Variants in NTAN1 observed in about 807,000 individuals in gnomAD.
The protein encoded by NTAN1 is N-terminal asparagine amidase.
Under a neutral mutation model 41.9 loss-of-function variants are expected in NTAN1, and 32 were observed. That is an observed-to-expected ratio of 0.76 (90% CI 0.58 to 1.03). NTAN1 has a LOEUF of 1.03. Among genes scored for constraint, NTAN1 ranks in the 50% least tolerant of loss-of-function variants. The pLI is 0.00. For missense variants in NTAN1, 377 were observed against 377.5 expected, an observed-to-expected ratio of 1.00 and a Z score of 0.01; for synonymous variants, 140 against 139.5, an observed-to-expected ratio of 1.00 and a Z score of -0.03.
intron 1 of NTAN1, among the ~76,000 whole-genome samples, chr16:15,049,099 C>T: frequency 7.4e-6 from 1 of 135,522 alleles, no homozygotes. Flanking sequence ...TCCCTATGCT[C>T]CCCAGGCTGG....
chr16:15,053,911 C>CA (rs1362378789), intron 1 of NTAN1, among the ~76,000 whole-genome samples: 2 of 152,018 alleles, frequency 1.3e-5, no homozygotes, highest in Non-Finnish European at 2.9e-5. Context: ...AACTAAGTCT[C>CA]AAAAAAACCA....
At chr16:15,041,902 G>A (rs564043091) in intron 5 of NTAN1, among the ~76,000 whole-genome samples, 53 of 152,216 alleles carry the variant, frequency 3.5e-4, no homozygotes, top group African/African-American at 5.8e-4. Context: ...CCTCAGGCCC[G>A]AAGGAGCCTG....
chr16:15,046,433 G>A (rs544998986), intron 4 of NTAN1, among the ~76,000 whole-genome samples: 118 of 152,206 alleles, frequency 7.8e-4, no homozygotes, highest in Admixed American at 6.6e-3. Flanking sequence ...CTGTGTCGTC[G>A]GCCTCCACCT....
chr16:15,044,367 G>C lies in NTAN1; in HGVS notation c.400C>G (p.Gln134Glu). Residue 134 changes from glutamine to glutamate, a missense_variant, in exon 5 of 10, where the codon CAG becomes GAG. Coordinates refer to ENST00000287706, the MANE Select transcript of NTAN1 (RefSeq NM_173474.4). ...TGATGAGTGAGTTTTTGTGACAACT[G>C]CCTGTCGTCACTGAAGCCTCCAACA... Reference protein sequence around the residue: ...HLVGGFSDDRQLSQKLTHQLL... With the variant: ...HLVGGFSDDRELSQKLTHQLL... 6.2e-7 allele frequency: 1 copy of C among 1,613,246 alleles called. No individual in the cohort carries two copies. The highest frequency in any genetic ancestry group is 8.5e-7 in the Non-Finnish European group (1 of 1,179,266).
intron 1 of NTAN1, among the ~76,000 whole-genome samples, chr16:15,054,467 C>T (rs1484093392): frequency 6.6e-6 from 1 of 152,188 alleles, no homozygotes; most frequent in Non-Finnish European, 1.5e-5. Context: ...ATTCTTCAGG[C>T]GGCTGAAATT....
At chr16:15,051,393 C>T (rs1351330144) in intron 1 of NTAN1, among the ~76,000 whole-genome samples, 1 of 152,248 alleles carries the variant, frequency 6.6e-6, no homozygotes, top group African/African-American at 2.4e-5. Flanking sequence ...CTTACTGTCT[C>T]CCAGGCTGGA....
At chr16:15,051,148 G>A (rs754843980) in intron 1 of NTAN1, among the ~76,000 whole-genome samples, 7 of 152,194 alleles carry the variant, frequency 4.6e-5, no homozygotes, top group Admixed American at 1.3e-4. Context: ...AAGGGAGGGC[G>A]CAAAGGCGAA....
chr16:15,044,407 C>G lies in NTAN1; in HGVS notation c.360G>C (p.Arg120Ser), dbSNP rs2043958370. 3.1e-6 allele frequency: 5 copies of G among 1,611,532 alleles called. No individual in the cohort carries two copies. The highest frequency in any genetic ancestry group is 4.2e-6 in the Non-Finnish European group (5 of 1,177,668). ...AGCCTCCAACAAGGTGTACTTCCAGCCTGGCAAAGAGATGAGACGGGTCAG... is the reference window on the plus strand; with the variant it reads ...AGCCTCCAACAAGGTGTACTTCCAGGCTGGCAAAGAGATGAGACGGGTCAG... ...KSFSDHAQCG[R>S]LEVHLVGGFS... Residue 120 changes from arginine (R) to serine (S), a missense_variant and splice_region_variant, in exon 5 of 10, where the codon AGG becomes AGC. Arg to Ser is a moderately radical substitution (Grantham distance 110). Transcript: ENST00000287706.
rs567861491 is a variant in NTAN1 at position 15,040,314 on chromosome 16, C to T, written c.542-248G>A. The T allele has an allele frequency of 8.4e-5, 34 of 402,616 alleles. No individual in the cohort carries two copies. The Admixed American group carries it at 1.1e-3, about 12-fold the overall frequency. 24.9% of individuals were successfully genotyped at this position (402,616 alleles called of 1,614,324 possible). The stretch of plus-strand genomic sequence containing the variant: ...GTTCTAAACCAAGAGCTGCTTTCCA[C>T]ATGGGAGGCAGCCATTCCTTCAGTC... On this transcript the variant is annotated intron_variant, in intron 7 of 9. Coordinates refer to ENST00000287706, the MANE Select transcript of NTAN1 (RefSeq NM_173474.4).
chr16:15,038,168 C>G lies in NTAN1; in HGVS notation c.796G>C (p.Glu266Gln), dbSNP rs372707322. The G allele has an allele frequency of 3.5e-5, 57 of 1,613,448 alleles. No individual in the cohort carries two copies. Among genetic ancestry groups the G allele is most frequent in the Non-Finnish European group, 4.7e-5 (56 of 1,179,736 alleles). ...SPLAEPPHFV[E>Q]HIRSTLMFLK... ...AACATCAAGGTAGATCTAATATGTT[C>G]AACAAAGTGGGGTGGCTCAGCCAGA... The change falls in exon 10 of 10, where the codon GAA becomes CAA. Residue 266 changes from glutamate (E) to glutamine (Q), a missense_variant. Physicochemically the swap from Glu to Gln is conservative, Grantham distance 29. Coordinates refer to ENST00000287706, the MANE Select transcript of NTAN1 (RefSeq NM_173474.4).
At chr16:15,048,910 C>T (rs532184277) in intron 1 of NTAN1, among the ~76,000 whole-genome samples, 121 of 147,462 alleles carry the variant, frequency 8.2e-4, no homozygotes, top group Non-Finnish European at 1.4e-3. Context: ...AGGCACACAC[C>T]ACCACACCTG....
At chr16:15,047,743 G>T in intron 3 of NTAN1, 112 bp downstream of exon 3, 2 of 1,014,012 alleles carry the variant, frequency 2.0e-6, no homozygotes, top group Non-Finnish European at 3.1e-6. Flanking sequence ...CAGAAAAAAG[G>T]TAAGCGGAGT....
intron 9 of NTAN1, 64 bp from the exon 10 acceptor site, chr16:15,038,274 T>C: frequency 1.7e-6 from 2 of 1,147,818 alleles, no homozygotes; most frequent in Non-Finnish European, 2.5e-6. Context: ...GTGATAAAGA[T>C]GTCAAAGTAT....
In NTAN1 at chr16:15,041,778, G is replaced by A. The variant is rs1165421864; in HGVS notation, c.434-102C>T. The A allele has an allele frequency of 5.9e-6, 5 of 841,804 alleles. No individual in the cohort carries two copies. In the Admixed American group the frequency reaches 8.7e-5, roughly 15 times the overall value. 52.1% of individuals were successfully genotyped at this position (841,804 alleles called of 1,614,324 possible). A position where few individuals can be genotyped will look rare whatever the true frequency, so the allele number is the denominator to read the frequency against. On this transcript the variant is annotated intron_variant, in intron 5 of 9. Transcript: ENST00000287706. ...ACAGGGAGGGACGGCAGCCAACTGA[G>A]TGTGCTCCGCCCTACAGCCCGCGCC...
At chr16:15,041,501 C>A in intron 6 of NTAN1, 122 bp downstream of exon 6, 1 of 778,570 alleles carries the variant, frequency 1.3e-6, no homozygotes, top group Non-Finnish European at 2.4e-6. Flanking sequence ...CAGGAAGAGC[C>A]GGAACAGATG....
intron 1 of NTAN1, among the ~76,000 whole-genome samples, chr16:15,054,380 G>C (rs893332774): frequency 2.6e-5 from 4 of 152,174 alleles, no homozygotes; most frequent in African/African-American, 9.7e-5. Context: ...CCACACTTAA[G>C]TGTGCAGCCC....
At chr16:15,055,820 AG>A (rs1274266565) in intron 1 of NTAN1, 70 bp downstream of exon 1, 2 of 818,364 alleles carry the variant, frequency 2.4e-6, no homozygotes, top group Middle Eastern at 2.9e-4. Flanking sequence ...GTGTCGCGTG[AG>A]GGGGGCGCTA....
chr16:15,055,983 C>CCGCCCA lies in NTAN1; in HGVS notation c.-18_-13dup. On this transcript the variant is annotated 5_prime_UTR_variant, in exon 1 of 10. Transcript: ENST00000287706. ...ACGAGCAGCGGCATCGCGGAGGCGG[C>CCGCCCA]CGCCCAGGCAGGCCCAGGGAGGCGG... 30 of 1,214,846 alleles carry CCGCCCA rather than the reference C, an allele frequency of 2.5e-5. No individual in the cohort carries two copies. The highest frequency in any genetic ancestry group is 3.1e-5 in the Non-Finnish European group (30 of 976,312). The allele number at this position is 1,214,846 out of a possible 1,614,324, so 75.3% of individuals were successfully genotyped here.
At chr16:15,048,130 A>C in intron 1 of NTAN1, 31 bp from the exon 2 acceptor site, 1 of 1,450,836 alleles carries the variant, frequency 6.9e-7, no homozygotes, top group Non-Finnish European at 9.6e-7. Flanking sequence ...TAAAATAGTG[A>C]TGTAAATTAG....
Sources: gnomAD v4.1 joint callset for allele counts (sites outside exome capture counted in the v4.1 genomes callset) on GRCh38, gnomAD v4.1.1 for gene constraint, MANE v1.5 for transcripts, NCBI Gene and HGNC (gene_info 2026-07-23, HGNC 2026-07-21) for gene names.